CADPS: variants seen among roughly 807,000 people sequenced by gnomAD.
CADPS encodes the protein calcium dependent secretion activator.
CADPS carries 57 observed loss-of-function variants against 167.3 expected under a neutral mutation model. That is an observed-to-expected ratio of 0.34 (90% CI 0.28 to 0.42). The LOEUF (loss-of-function observed/expected upper bound fraction) is 0.42, where lower values mean the gene tolerates loss of function less well. Ranked by LOEUF, CADPS falls within the 20% of genes least tolerant of loss-of-function variation. The pLI is 1.00. For synonymous variants in CADPS, 676 were observed against 635.3 expected, an observed-to-expected ratio of 1.06 and a Z score of -0.96; for missense variants, 1,414 against 1,738.1, an observed-to-expected ratio of 0.81 and a Z score of 3.32.
intron 28 of CADPS, among the ~76,000 whole-genome samples, chr3:62,430,409 T>C (rs776524918): frequency 6.6e-6 from 1 of 152,124 alleles, no homozygotes; most frequent in Non-Finnish European, 1.5e-5. Context: ...CTCATCCTAA[T>C]AGAAGAGGAA....
intron 28 of CADPS, among the ~76,000 whole-genome samples, chr3:62,431,154 G>A (rs6794174): frequency 0.012 from 1,890 of 152,174 alleles, 44 homozygotes; most frequent in African/African-American, 0.042. Context: ...TGATAACCTC[G>A]GGGAAAATCC....
chr3:62,662,493 G>A (rs1254161588), intron 3 of CADPS, 99 bp from the exon 4 acceptor site: 32 of 962,760 alleles, frequency 3.3e-5, no homozygotes, highest in Admixed American at 2.3e-5. Context: ...GTGCTCCATG[G>A]ACATATTTCA....
At chr3:62,581,499 A>G (rs955788596) in intron 8 of CADPS, among the ~76,000 whole-genome samples, 9 of 150,016 alleles carry the variant, frequency 6.0e-5, no homozygotes, top group Admixed American at 2.0e-4. Context: ...CAACATAGTG[A>G]GATCCCACCT....
chr3:62,620,075 AT>A (rs562643759), intron 6 of CADPS, among the ~76,000 whole-genome samples: 178 of 147,268 alleles, frequency 1.2e-3, no homozygotes, highest in African/African-American at 2.4e-3. Flanking sequence ...GGTGCTATTG[AT>A]TTTTTTTTTT....
At chr3:62,791,742 T>C (rs2092963821) in intron 1 of CADPS, among the ~76,000 whole-genome samples, 1 of 152,218 alleles carries the variant, frequency 6.6e-6, no homozygotes, top group Admixed American at 6.5e-5. Flanking sequence ...CAGTACAGCA[T>C]GGCAGATAAT....
At chr3:62,751,613 G>A (rs2082719528) in intron 3 of CADPS, among the ~76,000 whole-genome samples, 1 of 151,962 alleles carries the variant, frequency 6.6e-6, no homozygotes, top group African/African-American at 2.4e-5. Flanking sequence ...AGTAGAGACA[G>A]TTTCACCATG....
intron 1 of CADPS, among the ~76,000 whole-genome samples, chr3:62,789,510 A>G (rs545209682): frequency 6.6e-6 from 1 of 152,292 alleles, no homozygotes; most frequent in East Asian, 1.9e-4. Context: ...TATTTTGCTC[A>G]GGCTACTTTG....
At chr3:62,479,270 T>C (rs1176079878) in intron 22 of CADPS, among the ~76,000 whole-genome samples, 2 of 152,178 alleles carry the variant, frequency 1.3e-5, no homozygotes, top group East Asian at 3.9e-4. Flanking sequence ...AGCCTGTGTA[T>C]GAAAAATGCT....
chr3:62,841,617 T>C (rs1577160489), intron 1 of CADPS, among the ~76,000 whole-genome samples: 2 of 152,126 alleles, frequency 1.3e-5, no homozygotes, highest in East Asian at 3.9e-4. Flanking sequence ...CTCAGGAGGG[T>C]GAGGCAGGAA....
At chr3:62,793,367 T>G (rs2093119631) in intron 1 of CADPS, among the ~76,000 whole-genome samples, 1 of 152,210 alleles carries the variant, frequency 6.6e-6, no homozygotes, top group Non-Finnish European at 1.5e-5. Flanking sequence ...GTTTCAGCGG[T>G]GCTGTTGACC....
intron 3 of CADPS, among the ~76,000 whole-genome samples, chr3:62,739,821 G>A (rs2079817384): frequency 6.6e-6 from 1 of 152,230 alleles, no homozygotes; most frequent in Admixed American, 6.5e-5. Flanking sequence ...GAATGAAAGA[G>A]ACAAAGGAAG....
At chr3:62,484,078 A>T (rs1307169409) in intron 21 of CADPS, among the ~76,000 whole-genome samples, 2 of 152,312 alleles carry the variant, frequency 1.3e-5, no homozygotes, top group Non-Finnish European at 1.5e-5. Flanking sequence ...CTATTAATCA[A>T]AACATATTGT....
At chr3:62,588,507 C>A (rs2148695685) in intron 7 of CADPS, among the ~76,000 whole-genome samples, 1 of 152,182 alleles carries the variant, frequency 6.6e-6, no homozygotes, top group Middle Eastern at 3.4e-3. Flanking sequence ...AACAGGCATT[C>A]TCTTATGCCT....
In CADPS at chr3:62,645,706, G is replaced by C; in HGVS notation, c.1325+16C>G. The C allele has an allele frequency of 6.2e-7, 1 of 1,613,458 alleles. No individual in the cohort carries two copies. Among genetic ancestry groups the C allele is most frequent in the Non-Finnish European group, 8.5e-7 (1 of 1,179,766 alleles). ...GCAACCCTCTATAAGATGGACCCTGGAGAAACATAACTTACGTTGGTTTAG... is the reference window on the plus strand; with the variant it reads ...GCAACCCTCTATAAGATGGACCCTGCAGAAACATAACTTACGTTGGTTTAG... On this transcript the variant is annotated intron_variant, in intron 6 of 29. Transcript: ENST00000383710.
chr3:62,555,594 G>A (rs943112468), intron 10 of CADPS, among the ~76,000 whole-genome samples: 2 of 152,142 alleles, frequency 1.3e-5, no homozygotes, highest in Non-Finnish European at 1.5e-5. Flanking sequence ...TCCACTTTGT[G>A]GGATTACCCT....
At chr3:62,824,723 T>C (rs1297592642) in intron 1 of CADPS, among the ~76,000 whole-genome samples, 1 of 152,194 alleles carries the variant, frequency 6.6e-6, no homozygotes, top group African/African-American at 2.4e-5. Flanking sequence ...CTGCAGTTTA[T>C]TCTTCCATTA....
At chr3:62,706,919 C>A (rs920423528) in intron 3 of CADPS, among the ~76,000 whole-genome samples, 2 of 152,130 alleles carry the variant, frequency 1.3e-5, no homozygotes, top group Non-Finnish European at 2.9e-5. Flanking sequence ...GAAATGGCTA[C>A]ACTAAAAGCC....
chr3:62,846,411 C>T (rs1426301550), intron 1 of CADPS, among the ~76,000 whole-genome samples: 2 of 152,094 alleles, frequency 1.3e-5, no homozygotes, highest in Admixed American at 1.3e-4. Context: ...GTTGCCTAGA[C>T]CTATTCGTTC....
At chr3:62,696,474 G>C in intron 3 of CADPS, among the ~76,000 whole-genome samples, 1 of 151,946 alleles carries the variant, frequency 6.6e-6, no homozygotes, top group South Asian at 2.1e-4. Flanking sequence ...CTGCCTCTGA[G>C]CTCAGAGGCA....
Sources: allele counts gnomAD v4.1 joint callset (sites outside exome capture counted in the v4.1 genomes callset), GRCh38; gene constraint gnomAD v4.1.1; transcripts MANE v1.5; gene names NCBI Gene and HGNC (gene_info 2026-07-23, HGNC 2026-07-21).